The following SLC39A6 variants were observed in gnomAD, a reference collection of about 807,000 sequenced individuals.
SLC39A6 encodes solute carrier family 39 member 6, also known as zinc transporter ZIP6.
Under a neutral mutation model 63.5 loss-of-function variants are expected in SLC39A6, and 51 were observed. The ratio of observed to expected loss-of-function variants is 0.80; its 90% CI spans 0.64 to 1.01. The LOEUF (loss-of-function observed/expected upper bound fraction) is 1.01. SLC39A6 is among the 50% of genes least tolerant of loss of function. SLC39A6 has a pLI of 0.00. For synonymous variants in SLC39A6, 318 were observed against 324.7 expected (o/e 0.98, Z 0.22); for missense variants, 805 against 927.8 (o/e 0.87, Z 1.72).
chr18:36,127,760 C>T (rs1327863213), intron 1 of SLC39A6, among the ~76,000 whole-genome samples: 1 of 73,314 alleles, frequency 1.4e-5, no homozygotes, highest in Non-Finnish European at 2.9e-5. Flanking sequence ...TACATGTATA[C>T]TTAATTTTTT....
chr18:36,120,676 A>T (rs950464160), intron 5 of SLC39A6, among the ~76,000 whole-genome samples: 3 of 152,168 alleles, frequency 2.0e-5, no homozygotes, highest in African/African-American at 7.2e-5. Context: ...TTTGGGGGGT[A>T]GAGACAGTGT....
At position 36,125,084 on chromosome 18, in the gene SLC39A6, G is replaced by A. The variant is rs145838384; in HGVS notation, c.790-384C>T. ...AGAAATATGTTGCTTCAGTACTAACGCTATCCTACTTGGCCTAAACAAGTC... is the reference window on the plus strand; with the variant it reads ...AGAAATATGTTGCTTCAGTACTAACACTATCCTACTTGGCCTAAACAAGTC... On this transcript the variant is annotated intron_variant, in intron 2 of 9. Transcript: ENST00000269187. Among the ~76,000 whole-genome samples the A allele has an allele frequency of 2.4e-4, 36 of 152,210 alleles. No individual in the cohort carries two copies. The East Asian group carries it at 5.2e-3, about 22-fold the overall frequency.
rs1890727540 is a variant in SLC39A6, at chr18:36,126,924, A to G, written c.84T>C (p.Ala28=). Residue 28 remains alanine, a synonymous_variant, in exon 2 of 10, where the codon GCT becomes GCC. Transcript: ENST00000269187. The part of the protein sequence containing the change: ...TNPLHELKAA[A]FPQTTEKISP... ...TAATTTTCTCAGTGGTCTGGGGGAAAGCAGCTGCTTTTAGTTCATGAAGGG... is the reference window on the plus strand; with the variant it reads ...TAATTTTCTCAGTGGTCTGGGGGAAGGCAGCTGCTTTTAGTTCATGAAGGG... 4.3e-6 allele frequency: 7 copies of G among 1,614,092 alleles called. No homozygotes were observed. The highest frequency in any genetic ancestry group is 4.2e-6 in the Non-Finnish European group (5 of 1,179,926).
chr18:36,112,494 C>T lies in SLC39A6; in HGVS notation c.1924+7G>A. 1 of 1,606,850 alleles carries T rather than the reference C, an allele frequency of 6.2e-7. No homozygotes were observed. The highest frequency in any genetic ancestry group is 1.1e-5 in the South Asian group (1 of 90,574). ...CTTGGCAAATACAATTTATGTGGTTCTCTTACCTAATTCATGAGGCAACTC... is the reference window on the plus strand; with the variant it reads ...CTTGGCAAATACAATTTATGTGGTTTTCTTACCTAATTCATGAGGCAACTC... On this transcript the variant is annotated splice_region_variant and intron_variant, in intron 8 of 9. Transcript: ENST00000269187.
At chr18:36,116,072 A>C (rs746025561) in intron 6 of SLC39A6, among the ~76,000 whole-genome samples, 4 of 152,188 alleles carry the variant, frequency 2.6e-5, no homozygotes, top group Non-Finnish European at 5.9e-5. Context: ...TTGATCCTGA[A>C]TTGTACTCTG....
chr18:36,114,812 C>T (rs1382501575), intron 6 of SLC39A6, among the ~76,000 whole-genome samples: 2 of 151,996 alleles, frequency 1.3e-5, no homozygotes, highest in African/African-American at 4.8e-5. Context: ...TTTTAGAAAA[C>T]ATGTTATGTT....
In SLC39A6 at chr18:36,115,441, CA is replaced by C. The variant is rs78156263; in HGVS notation, c.1466-968del. Among the ~76,000 whole-genome samples, 814 of 100,288 alleles carry C rather than the reference CA, an allele frequency of 8.1e-3. 10 individuals carry two copies. The highest frequency in any genetic ancestry group is 0.023 in the African/African-American group (602 of 25,842). 65.8% of individuals were successfully genotyped at this position (100,288 alleles called of 152,430 possible). A position where few individuals can be genotyped will look rare whatever the true frequency, so the allele number is the denominator to read the frequency against. On this transcript the variant is annotated intron_variant, in intron 6 of 9. Transcript: ENST00000269187. ...TGGGTGACAGAGTGAGACTCCGTCT[CA>C]AAAAAAAAAAAAAAATTAAAACAAC...
At chr18:36,110,103 A>T (rs1007948205) in intron 9 of SLC39A6, among the ~76,000 whole-genome samples, 1 of 152,218 alleles carries the variant, frequency 6.6e-6, no homozygotes, top group Non-Finnish European at 1.5e-5. Context: ...AGAAAACCTT[A>T]TACTATATAA....
chr18:36,109,680 T>C lies in SLC39A6; in HGVS notation c.2181A>G (p.Leu727=). 3 of 1,612,236 alleles carry C rather than the reference T, an allele frequency of 1.9e-6. No individual in the cohort carries two copies. Among genetic ancestry groups the C allele is most frequent in the Middle Eastern group, 1.7e-4 (1 of 6,050 alleles). Residue 727 remains leucine (L), a synonymous_variant, in exon 10 of 10, where the codon TTA becomes TTG. Transcript: ENST00000269187. ...HGCSRWGYFF[L]QNAGMLLGFG... ...AACCCAAAAGCATCCCAGCATTCTG[T>C]AAAAAGAAATACCCCCAGCGGCTAC...
rs1799973284 is a variant in SLC39A6, at chr18:36,126,518, T to C, written c.490A>G (p.Lys164Glu). 1.9e-6 allele frequency: 3 copies of C among 1,614,232 alleles called. No homozygotes were observed. The highest frequency in any genetic ancestry group is 2.5e-6 in the Non-Finnish European group (3 of 1,180,028). The change falls in exon 2 of 10, where the codon AAA becomes GAA. Residue 164 changes from lysine to glutamate, a missense_variant. Physicochemically the swap from Lys to Glu is moderately conservative, Grantham distance 56. Around this residue, in one of 4 missense-constraint regions of SLC39A6, gnomAD observed 639 missense variants for 644.0 expected, o/e 0.99. Transcript: ENST00000269187. The part of the protein sequence containing the change: ...SGKDPRNSQG[K>E]GAHRPEHASG... The stretch of plus-strand genomic sequence containing the variant: ...GCATGTTCTGGTCGGTGAGCTCCTT[T>C]CCCCTGGCTGTTTCTAGGATCTTTA...
chr18:36,123,126 C>T (rs2144509699), intron 4 of SLC39A6, among the ~76,000 whole-genome samples: 1 of 152,292 alleles, frequency 6.6e-6, no homozygotes, highest in East Asian at 1.9e-4. Flanking sequence ...CTGAAGAAAA[C>T]CTCCAAGTTT....
chr18:36,127,057 A>G, intron 1 of SLC39A6, 41 bp from the exon 2 acceptor site: 1 of 1,503,258 alleles, frequency 6.7e-7, no homozygotes, highest in Non-Finnish European at 9.0e-7. Context: ...CTCACTTCTA[A>G]AACAAATTGA....
intron 4 of SLC39A6, among the ~76,000 whole-genome samples, chr18:36,122,637 T>C (rs1015425623): frequency 1.7e-4 from 25 of 144,730 alleles, no homozygotes; most frequent in African/African-American, 5.5e-4. Context: ...CACACTAGCA[T>C]TGTAAGAAGC....
At chr18:36,122,725 A>G (rs1260019053) in intron 4 of SLC39A6, among the ~76,000 whole-genome samples, 1 of 152,220 alleles carries the variant, frequency 6.6e-6, no homozygotes, top group East Asian at 1.9e-4. Flanking sequence ...AACTGAGTGG[A>G]GTAGTAACTA....
At chr18:36,110,911 G>C (rs1042729741) in intron 9 of SLC39A6, 148 bp downstream of exon 9, 3 of 1,285,220 alleles carry the variant, frequency 2.3e-6, no homozygotes, top group Non-Finnish European at 3.1e-6. Flanking sequence ...GGATCATTTG[G>C]GCTCAGGAAT....
At chr18:36,117,985 C>A (rs1220049419) in intron 5 of SLC39A6, among the ~76,000 whole-genome samples, 3 of 150,492 alleles carry the variant, frequency 2.0e-5, no homozygotes, top group African/African-American at 7.4e-5. Flanking sequence ...GAGCAGAGAT[C>A]GCGCCACTGC....
At chr18:36,125,017 G>A (rs2089424714) in intron 2 of SLC39A6, among the ~76,000 whole-genome samples, 1 of 152,134 alleles carries the variant, frequency 6.6e-6, no homozygotes, top group South Asian at 2.1e-4. Context: ...AACGTATTAA[G>A]GAAATGAGCT....
chr18:36,126,093 G>A, intron 2 of SLC39A6, 126 bp downstream of exon 2: 1 of 960,094 alleles, frequency 1.0e-6, no homozygotes, highest in Admixed American at 2.3e-5. Context: ...CTGAGAAGGT[G>A]GAAATTCCCT....
chr18:36,111,168 T>A lies in SLC39A6; in HGVS notation c.2006A>T (p.Tyr669Phe), dbSNP rs1347413130. The A allele has an allele frequency of 6.2e-7, 1 of 1,614,162 alleles. No individual in the cohort carries two copies. Among genetic ancestry groups the A allele is most frequent in the Admixed American group, 1.7e-5 (1 of 60,032 alleles). ...GAAAATTCCTGTTGCCATTCCAAGA[T>A]ACGCCAGCATGGCTGACAATGCATT... ...LYNALSAMLA[Y>F]LGMATGIFIG... is the part of the protein sequence containing the mutation. Residue 669 changes from tyrosine to phenylalanine, a missense_variant, in exon 9 of 10, where the codon TAT (tyrosine) becomes TTT (phenylalanine). Tyr to Phe is a conservative substitution (Grantham distance 22). Transcript: ENST00000269187.
Sources: allele counts gnomAD v4.1 joint callset (sites outside exome capture counted in the v4.1 genomes callset), GRCh38; gene constraint gnomAD v4.1.1; regional missense constraint gnomAD v4.1.1; transcripts MANE v1.5; gene names NCBI Gene and HGNC (gene_info 2026-07-23, HGNC 2026-07-21).